The following TMEM236 variants were observed in gnomAD, a reference collection of about 807,000 sequenced individuals.
TMEM236 encodes the protein transmembrane protein 236.
A neutral mutation model predicts 14.7 loss-of-function variants in TMEM236; 11 were observed. The ratio of observed to expected loss-of-function variants is 0.75; its 90% CI spans 0.47 to 1.24. The LOEUF (loss-of-function observed/expected upper bound fraction) is 1.24, where lower values mean the gene tolerates loss of function less well. Ranked by LOEUF, TMEM236 falls within the 50% of genes most tolerant of loss-of-function variation. The pLI, the probability that TMEM236 is intolerant of heterozygous loss-of-function variation, is 0.00. For missense variants in TMEM236, 464 were observed against 427.3 expected (o/e 1.09, Z -0.76); for synonymous variants, 182 against 168.6 (o/e 1.08, Z -0.62).
intron 2 of TMEM236, among the ~76,000 whole-genome samples, chr10:17,775,540 C>G (rs1837645716): frequency 6.6e-6 from 1 of 152,246 alleles, no homozygotes; most frequent in African/African-American, 2.4e-5. Context: ...CCGCAAAGTG[C>G]TGGGATTATA....
Position 17,773,557 on chromosome 10 carries a change from C to T in TMEM236, c.330+2176C>T, listed in dbSNP as rs1216035706. ...TTCACTGTGTTGGCCAGGCTGGTCT[C>T]GAACTCCTGACCTCAGGTGATCCAC... On this transcript the variant is annotated intron_variant, in intron 2 of 3. Transcript: ENST00000377495. 3.3e-5 allele frequency among the ~76,000 whole-genome samples: 5 copies of T among 152,020 alleles called. No homozygotes were observed. In the South Asian group the frequency reaches 6.2e-4, roughly 19 times the overall value.
At chr10:17,772,737 C>T (rs34173077) in intron 2 of TMEM236, among the ~76,000 whole-genome samples, 6,575 of 152,196 alleles carry the variant, frequency 0.043, 277 homozygotes, top group East Asian at 0.21. Context: ...AAACTTTGGC[C>T]GGCTCCATGC....
At chr10:17,753,996 G>A (rs1399471944) in intron 1 of TMEM236, among the ~76,000 whole-genome samples, 1 of 152,120 alleles carries the variant, frequency 6.6e-6, no homozygotes. Flanking sequence ...GGATATTATG[G>A]TATCTTCCTT....
rs1021259278 is a variant in TMEM236, at chr10:17,756,996, A to C, written c.257+4444A>C. ...TTTGGGAAATACACTTCCAGTCTTTAGTTTCTGTTTTGCCGGTGTTGCTGG... is the reference window on the plus strand; with the variant it reads ...TTTGGGAAATACACTTCCAGTCTTTCGTTTCTGTTTTGCCGGTGTTGCTGG... On this transcript the variant is annotated intron_variant, in intron 1 of 3. Transcript: ENST00000377495. Among the ~76,000 whole-genome samples, 12 of 152,208 alleles carry C rather than the reference A, an allele frequency of 7.9e-5. 1 individual carries two copies. In the South Asian group the frequency reaches 2.3e-3, roughly 29 times the overall value.
intron 1 of TMEM236, among the ~76,000 whole-genome samples, chr10:17,757,910 AG>A: frequency 6.6e-6 from 1 of 152,016 alleles, no homozygotes; most frequent in Non-Finnish European, 1.5e-5. Context: ...CTGGGATTAC[AG>A]GTGTGCGCCA....
In TMEM236 at chr10:17,795,043, C is replaced by T. The variant is rs939674291; in HGVS notation, c.473-878C>T. Among the ~76,000 whole-genome samples the T allele has an allele frequency of 2.0e-3, 311 of 152,162 alleles. 1 individual carries two copies. Among genetic ancestry groups the T allele is most frequent in the African/African-American group, 6.9e-3 (287 of 41,528 alleles). The stretch of plus-strand genomic sequence containing the variant: ...ACTCTGTCACAAAAAAACAAACAAA[C>T]AAACAAAAAACAATGGATTCCCTCT... On this transcript the variant is annotated intron_variant, in intron 3 of 3. Transcript: ENST00000377495.
At position 17,796,654 on chromosome 10, in the gene TMEM236, GT is replaced by G. The variant is rs142466279; in HGVS notation, c.*161del. 3,040 of 558,844 alleles carry G rather than the reference GT, an allele frequency of 5.4e-3. 13 individuals are homozygous for G. The highest frequency in any genetic ancestry group is 0.025 in the African/African-American group (1,302 of 51,920). 34.6% of individuals were successfully genotyped at this position (558,844 alleles called of 1,614,324 possible). ...CATTTTTACTAACTCTAGCATATCA[GT>G]TTTTTTTTTTACATATACAAATGGT... On this transcript the variant is annotated 3_prime_UTR_variant, in exon 4 of 4. Coordinates refer to ENST00000377495, the MANE Select transcript of TMEM236 (RefSeq NM_001098844.3).
chr10:17,796,302 A>C lies in TMEM236; in HGVS notation c.854A>C (p.Gln285Pro). ...CTCCTTCGAATTACATTCACTCCCC[A>C]AAACCCTCTTCTCAATTCCCTGAGC... Reference protein sequence around the residue: ...ISLLRITFTPQNPLLNSLSVL... With the variant: ...ISLLRITFTPPNPLLNSLSVL... The change falls in exon 4 of 4, where the codon CAA (glutamine) becomes CCA (proline). Residue 285 changes from glutamine (Q) to proline (P), a missense_variant. Gln to Pro is a moderately conservative substitution (Grantham distance 76). Transcript: ENST00000377495. 1 of 1,613,858 alleles carries C rather than the reference A, an allele frequency of 6.2e-7. No individual in the cohort carries two copies.
rs1006994090 is a variant in TMEM236 at position 17,797,954 on chromosome 10, A to C, written c.*1450A>C. 2 of 152,392 alleles carry C rather than the reference A, an allele frequency of 1.3e-5. No homozygotes were observed. Among genetic ancestry groups the C allele is most frequent in the East Asian group, 3.9e-4 (2 of 5,186 alleles). 9.4% of individuals were successfully genotyped at this position (152,392 alleles called of 1,614,324 possible). A position where few individuals can be genotyped will look rare whatever the true frequency, so the allele number is the denominator to read the frequency against. The stretch of plus-strand genomic sequence containing the variant: ...AAGTACAAGCCCTGTTTAAAATTAA[A>C]AGTTCGGCTTACAAATATAATAGCC... On this transcript the variant is annotated 3_prime_UTR_variant, in exon 4 of 4. Transcript: ENST00000377495.
chr10:17,785,290 C>T (rs1441438660), intron 3 of TMEM236, among the ~76,000 whole-genome samples: 1 of 152,152 alleles, frequency 6.6e-6, no homozygotes, highest in Non-Finnish European at 1.5e-5. Context: ...CTCTACCTAG[C>T]GATCAACAGA....
intron 1 of TMEM236, among the ~76,000 whole-genome samples, chr10:17,766,600 C>G (rs1256242818): frequency 6.6e-6 from 1 of 152,314 alleles, no homozygotes; most frequent in African/African-American, 2.4e-5. Flanking sequence ...CTCTCCCAGT[C>G]TCTACTCATT....
intron 2 of TMEM236, among the ~76,000 whole-genome samples, chr10:17,773,147 T>C (rs1198924464): frequency 1.3e-5 from 2 of 152,196 alleles, no homozygotes; most frequent in East Asian, 3.8e-4. Context: ...TGAATATGTC[T>C]TTTGGTGTGC....
intron 1 of TMEM236, among the ~76,000 whole-genome samples, chr10:17,759,816 TA>T (rs1325501115): frequency 6.6e-6 from 1 of 151,432 alleles, no homozygotes. Flanking sequence ...CCGTCTCTAC[TA>T]AAAATACAGA....
chr10:17,754,807 G>A (rs1203546636), intron 1 of TMEM236, among the ~76,000 whole-genome samples: 1 of 152,094 alleles, frequency 6.6e-6, no homozygotes, highest in African/African-American at 2.4e-5. Context: ...AGAACAAATA[G>A]TCTCTGATAT....
At chr10:17,781,895 A>G (rs1309126624) in intron 3 of TMEM236, among the ~76,000 whole-genome samples, 1 of 152,038 alleles carries the variant, frequency 6.6e-6, no homozygotes, top group Non-Finnish European at 1.5e-5. Flanking sequence ...ATTTGGGGGA[A>G]AAAAAAGCTT....
In TMEM236 at chr10:17,789,635, C is replaced by T. The variant is rs908160670; in HGVS notation, c.473-6286C>T. 6.2e-3 allele frequency among the ~76,000 whole-genome samples: 936 copies of T among 152,152 alleles called. 8 individuals carry two copies. Among genetic ancestry groups the T allele is most frequent in the African/African-American group, 0.021 (884 of 41,510 alleles). ...GAGGCTCATGCTTGTAATTCCAGTGCGTTGGGAGGCTGAGGCAGAAGGATC... is the reference window on the plus strand; with the variant it reads ...GAGGCTCATGCTTGTAATTCCAGTGTGTTGGGAGGCTGAGGCAGAAGGATC... On this transcript the variant is annotated intron_variant, in intron 3 of 3. Transcript: ENST00000377495.
In TMEM236 at chr10:17,800,124, A is replaced by C. The variant is rs1188427085; in HGVS notation, c.*3620A>C. The C allele has an allele frequency of 2.0e-5, 3 of 151,658 alleles. No homozygotes were observed. Among genetic ancestry groups the C allele is most frequent in the South Asian group, 2.1e-4 (1 of 4,812 alleles). The allele number at this position is 151,658 out of a possible 1,614,324, so 9.4% of individuals were successfully genotyped here. On this transcript the variant is annotated 3_prime_UTR_variant, in exon 4 of 4. Transcript: ENST00000377495. ...GTGGTGCATGCCTGTAATCCCAGCT[A>C]CTCGGGAGGCTGAATCAGAATTGCT...
At chr10:17,769,778 A>G (rs1466401733) in intron 1 of TMEM236, among the ~76,000 whole-genome samples, 19 of 152,102 alleles carry the variant, frequency 1.2e-4, no homozygotes, top group Non-Finnish European at 2.5e-4. Context: ...TGGTGCTGGG[A>G]TGGGGGAGGC....
rs1454061452 is a variant in TMEM236 at position 17,800,506 on chromosome 10, G to A, written c.*4002G>A. On this transcript the variant is annotated 3_prime_UTR_variant, in exon 4 of 4. Coordinates refer to ENST00000377495, the MANE Select transcript of TMEM236 (RefSeq NM_001098844.3). ...AATTACAATGTGTAAATGTTATCTCGTCTTGTTTTTCTTATTAGGGCCCCA... is the reference window on the plus strand; with the variant it reads ...AATTACAATGTGTAAATGTTATCTCATCTTGTTTTTCTTATTAGGGCCCCA... 5 of 151,776 alleles carry A rather than the reference G, an allele frequency of 3.3e-5. No individual in the cohort carries two copies. The highest frequency in any genetic ancestry group is 1.2e-4 in the African/African-American group (5 of 41,300). The allele number at this position is 151,776 out of a possible 1,614,324, so 9.4% of individuals were successfully genotyped here. A position where few individuals can be genotyped will look rare whatever the true frequency, so the allele number is the denominator to read the frequency against.
Sources: allele counts gnomAD v4.1 joint callset (sites outside exome capture counted in the v4.1 genomes callset), GRCh38; gene constraint gnomAD v4.1.1; transcripts MANE v1.5; gene names NCBI Gene and HGNC (gene_info 2026-07-23, HGNC 2026-07-21).